TMIGD3: variants seen among roughly 807,000 people sequenced by gnomAD.
TMIGD3 encodes the protein AD026 protein (AD026).
A neutral mutation model predicts 28.1 loss-of-function variants in TMIGD3; 21 were observed. The observed-to-expected ratio is 0.75, with a 90% CI of 0.53 to 1.08. The LOEUF (loss-of-function observed/expected upper bound fraction) is 1.08. Ranked by LOEUF, TMIGD3 falls within the 50% of genes least tolerant of loss-of-function variation. TMIGD3 has a pLI of 0.00. For missense variants in TMIGD3, 416 were observed against 435.6 expected (o/e 0.96, Z 0.40); for synonymous variants, 151 against 162.1 (o/e 0.93, Z 0.52).
chr1:111,535,697 T>G (rs1441562765), intron 1 of TMIGD3, among the ~76,000 whole-genome samples: 1 of 152,232 alleles, frequency 6.6e-6, no homozygotes, highest in African/African-American at 2.4e-5. Context: ...CCGTTTGGAA[T>G]GTGCTGCTTG....
chr1:111,501,808 G>C (rs1655190655), intron 1 of TMIGD3, among the ~76,000 whole-genome samples: 1 of 151,856 alleles, frequency 6.6e-6, no homozygotes, highest in Non-Finnish European at 1.5e-5. Context: ...TCTAAAGCTT[G>C]TTTGTAGCTC....
intron 1 of TMIGD3, among the ~76,000 whole-genome samples, chr1:111,544,489 G>A (rs996511838): frequency 6.6e-6 from 1 of 152,028 alleles, no homozygotes; most frequent in Non-Finnish European, 1.5e-5. Flanking sequence ...ATTTCTTTCA[G>A]CATAATGTTT....
At chr1:111,486,450 T>C (rs1654377529) in intron 4 of TMIGD3, 136 bp downstream of exon 4, 3 of 653,820 alleles carry the variant, frequency 4.6e-6, no homozygotes, top group Non-Finnish European at 8.3e-6. Flanking sequence ...TAAGGATACA[T>C]AGTTAAGGTG....
At chr1:111,529,509 C>G (rs890059320) in intron 1 of TMIGD3, among the ~76,000 whole-genome samples, 5 of 148,920 alleles carry the variant, frequency 3.4e-5, no homozygotes, top group African/African-American at 1.2e-4. Flanking sequence ...GGCAGAGGAC[C>G]CTGCGGCCTT....
At position 111,524,000 on chromosome 1, in the gene TMIGD3, T is replaced by C. The variant is rs1656167769; in HGVS notation, c.108-33238A>G. Among the ~76,000 whole-genome samples, 4 of 149,826 alleles carry C rather than the reference T, an allele frequency of 2.7e-5. No individual in the cohort carries two copies. In the South Asian group the frequency reaches 8.3e-4, roughly 31 times the overall value. On this transcript the variant is annotated intron_variant, in intron 1 of 5. Transcript: ENST00000369717. ...TCTGCTTGCACTGAGTTTAGTTTACTCTTCTTGTTTCTTTCTTTCTTTCTT... is the reference window on the plus strand; with the variant it reads ...TCTGCTTGCACTGAGTTTAGTTTACCCTTCTTGTTTCTTTCTTTCTTTCTT...
At chr1:111,517,321 A>G (rs1416053030) in intron 1 of TMIGD3, among the ~76,000 whole-genome samples, 4 of 151,912 alleles carry the variant, frequency 2.6e-5, no homozygotes, top group African/African-American at 9.7e-5. Context: ...CCTTGGATTT[A>G]GCAGTAGTCA....
chr1:111,508,556 G>A (rs1391151612), upstream of TMIGD3, among the ~76,000 whole-genome samples: 1 of 152,212 alleles, frequency 6.6e-6, no homozygotes, highest in African/African-American at 2.4e-5. Flanking sequence ...TCGAGAATAG[G>A]TAGCCAACTG....
At chr1:111,490,614 C>T in intron 2 of TMIGD3, 42 bp downstream of exon 2, 1 of 1,484,894 alleles carries the variant, frequency 6.7e-7, no homozygotes, top group Admixed American at 1.7e-5. Flanking sequence ...TCTGGAAAGG[C>T]CACAGCTTAA....
chr1:111,518,111 C>T (rs764814821), intron 1 of TMIGD3, among the ~76,000 whole-genome samples: 1 of 152,206 alleles, frequency 6.6e-6, no homozygotes, highest in Non-Finnish European at 1.5e-5. Context: ...CCAGAGGAAC[C>T]ACTTTTAACC....
At chr1:111,549,328 T>C (rs1369643966) in intron 1 of TMIGD3, among the ~76,000 whole-genome samples, 1 of 150,876 alleles carries the variant, frequency 6.6e-6, no homozygotes, top group Admixed American at 6.6e-5. Flanking sequence ...TTTTTTTTCT[T>C]GTCTTTTTCC....
At chr1:111,550,436 C>A (rs1236515919) in intron 1 of TMIGD3, among the ~76,000 whole-genome samples, 2 of 151,976 alleles carry the variant, frequency 1.3e-5, no homozygotes, top group African/African-American at 2.4e-5. Context: ...GATTTGAGAT[C>A]TTTCTTCTTT....
chr1:111,530,024 C>G (rs888546424), intron 1 of TMIGD3, among the ~76,000 whole-genome samples: 1 of 133,036 alleles, frequency 7.5e-6, no homozygotes, highest in Non-Finnish European at 1.7e-5. Flanking sequence ...CCCTCCCGGA[C>G]GGGGCGGCTG....
At chr1:111,488,590 G>A (rs922149066) in intron 3 of TMIGD3, 87 bp downstream of exon 3, 5 of 1,238,808 alleles carry the variant, frequency 4.0e-6, no homozygotes, top group Non-Finnish European at 4.6e-6. Context: ...CTGAGTTGGG[G>A]CTCACTGGCT....
chr1:111,499,849 T>C (rs1655070775), intron 1 of TMIGD3: 1 of 1,539,322 alleles, frequency 6.5e-7, no homozygotes. Flanking sequence ...GTGGAAGTAA[T>C]CAAGGATGTA....
chr1:111,559,604 G>A (rs982240708), intron 1 of TMIGD3, among the ~76,000 whole-genome samples: 1 of 152,022 alleles, frequency 6.6e-6, no homozygotes, highest in African/African-American at 2.4e-5. Context: ...TAATCAAATG[G>A]TATCCAATGA....
chr1:111,504,907 C>T (rs1655426295), upstream of TMIGD3: 1 of 985,128 alleles, frequency 1.0e-6, no homozygotes, highest in African/African-American at 1.7e-5. Flanking sequence ...GAGCAGACTC[C>T]CCAGACATTA....
At chr1:111,522,061 A>G (rs1656080438) in intron 1 of TMIGD3, among the ~76,000 whole-genome samples, 1 of 152,114 alleles carries the variant, frequency 6.6e-6, no homozygotes, top group Non-Finnish European at 1.5e-5. Flanking sequence ...AAATCAATTG[A>G]CCATATACGT....
At chr1:111,548,898 A>C (rs964714529) in intron 1 of TMIGD3, among the ~76,000 whole-genome samples, 7 of 152,182 alleles carry the variant, frequency 4.6e-5, no homozygotes, top group African/African-American at 1.7e-4. Flanking sequence ...CTGTTTTCAA[A>C]CTGATGCCTT....
chr1:111,502,157 T>G (rs1266211229), intron 1 of TMIGD3, among the ~76,000 whole-genome samples: 4 of 76,068 alleles, frequency 5.3e-5, no homozygotes, highest in East Asian at 3.0e-4. Flanking sequence ...ATATATAGGA[T>G]ATATATTTAT....
Sources: allele counts gnomAD v4.1 joint callset (sites outside exome capture counted in the v4.1 genomes callset), GRCh38; gene constraint gnomAD v4.1.1; transcripts MANE v1.5; gene names NCBI Gene and HGNC (gene_info 2026-07-23, HGNC 2026-07-21).